The following LGALS8 variants were observed in gnomAD, a reference collection of about 807,000 sequenced individuals.
LGALS8 encodes the protein galectin 8.
LGALS8 carries 30 observed loss-of-function variants against 35.9 expected under a neutral mutation model. The observed-to-expected ratio is 0.83, with a 90% CI of 0.62 to 1.13. The LOEUF is 1.13. Among genes scored for constraint, LGALS8 ranks in the 50% most tolerant of loss-of-function variants. The pLI is 0.00. For synonymous variants in LGALS8, 138 were observed against 136.1 expected, an observed-to-expected ratio of 1.01 and a Z score of -0.10; for missense variants, 366 against 388.7, an observed-to-expected ratio of 0.94 and a Z score of 0.49.
rs1662581670 is a variant in LGALS8, at chr1:236,548,968, G to A, written c.*807G>A. The A allele has an allele frequency of 2.5e-6, 1 of 398,632 alleles. No individual in the cohort carries two copies. The highest frequency in any genetic ancestry group is 4.4e-5 in the Admixed American group (1 of 22,724). 24.7% of individuals were successfully genotyped at this position (398,632 alleles called of 1,614,324 possible). A position where few individuals can be genotyped will look rare whatever the true frequency, so the allele number is the denominator to read the frequency against. On this transcript the variant is annotated 3_prime_UTR_variant, in exon 10 of 10. Coordinates refer to ENST00000366584, the MANE Select transcript of LGALS8 (RefSeq NM_201544.4). ...CTTAGGGCAAATCAGAGTCTACACA[G>A]ACGCCTACAGAAAGTTTCAGGAAGA...
rs1325273601 is a variant in LGALS8 at position 236,541,674 on chromosome 1, A to T, written c.486A>T (p.Ala162=). 6.6e-7 allele frequency: 1 copy of T among 1,524,432 alleles called. No individual in the cohort carries two copies. Among genetic ancestry groups the T allele is most frequent in the Non-Finnish European group, 8.9e-7 (1 of 1,119,256 alleles). The allele number at this position is 1,524,432 out of a possible 1,614,324, so 94.4% of individuals were successfully genotyped here. A position where few individuals can be genotyped will look rare whatever the true frequency, so the allele number is the denominator to read the frequency against. The change falls in exon 6 of 10, where the codon GCA becomes GCT. Residue 162 remains alanine (A), a synonymous_variant. Transcript: ENST00000366584. ...CTCAGGACTTACAAAGTACCCAAGC[A>T]TCTAGTCTGGAACTGACAGAGATAA... ...SFSSDLQSTQ[A]SSLELTEISR...
At chr1:236,539,486 C>A (rs1180023324) in intron 4 of LGALS8, among the ~76,000 whole-genome samples, 1 of 147,760 alleles carries the variant, frequency 6.8e-6, no homozygotes, top group Non-Finnish European at 1.5e-5. Flanking sequence ...CAAGTCTTGC[C>A]ACAAGACAGT....
intron 2 of LGALS8, among the ~76,000 whole-genome samples, chr1:236,535,835 C>A (rs1661456672): frequency 6.6e-6 from 1 of 152,248 alleles, no homozygotes; most frequent in South Asian, 2.1e-4. Flanking sequence ...AGCTTGTGGG[C>A]TCAGCTTGCG....
At chr1:236,541,807 T>A in intron 6 of LGALS8, 97 bp downstream of exon 6, 1 of 617,580 alleles carries the variant, frequency 1.6e-6, no homozygotes. Context: ...TTGAAAATTA[T>A]GCTTTTAGAA....
intron 2 of LGALS8, among the ~76,000 whole-genome samples, chr1:236,529,770 T>C (rs1477379225): frequency 2.0e-5 from 3 of 149,520 alleles, no homozygotes; most frequent in Admixed American, 1.3e-4. Context: ...TGCCTCAGCC[T>C]CCCGAGTAGC....
chr1:236,549,996 G>A lies in LGALS8; in HGVS notation c.*1835G>A, dbSNP rs549179339. On this transcript the variant is annotated 3_prime_UTR_variant, in exon 10 of 10. Transcript: ENST00000366584. ...CTTCAAAGGCTTTTAAACTCAATGC[G>A]AACATTCTACGGGATGTTCTTAGAT... 3 of 152,072 alleles carry A rather than the reference G, an allele frequency of 2.0e-5. No individual in the cohort carries two copies. Among genetic ancestry groups the A allele is most frequent in the African/African-American group, 2.4e-5 (1 of 41,402 alleles). The allele number at this position is 152,072 out of a possible 1,614,324, so 9.4% of individuals were successfully genotyped here. A position where few individuals can be genotyped will look rare whatever the true frequency, so the allele number is the denominator to read the frequency against.
At chr1:236,537,627 CT>C in intron 3 of LGALS8, 42 bp downstream of exon 3, 3 of 1,353,282 alleles carry the variant, frequency 2.2e-6, no homozygotes, top group Non-Finnish European at 3.2e-6. Flanking sequence ...AATAGGCTGT[CT>C]TTTTGTGATT....
At chr1:236,539,271 C>T in intron 4 of LGALS8, 182 bp downstream of exon 4, 2 of 595,616 alleles carry the variant, frequency 3.4e-6, no homozygotes. Flanking sequence ...GGCACCACTA[C>T]TCTCCAGCCA....
chr1:236,543,138 C>G (rs1279221566), intron 7 of LGALS8: 1 of 1,104,648 alleles, frequency 9.1e-7, no homozygotes, highest in African/African-American at 1.5e-5. Flanking sequence ...CCAAAGCAGC[C>G]CCCTCTGCAT....
Position 236,548,063 on chromosome 1 carries a change from C to A in LGALS8, c.856C>A (p.His286Asn). 1 of 1,613,384 alleles carries A rather than the reference C, an allele frequency of 6.2e-7. No individual in the cohort carries two copies. Among genetic ancestry groups the A allele is most frequent in the South Asian group, 1.1e-5 (1 of 91,062 alleles). The part of the protein sequence containing the change: ...REFKVAVNGV[H>N]SLEYKHRFKE... ...ATTCAAGGTTGCAGTAAATGGCGTACACAGCCTGGAGTACAAACACAGATT... is the reference window on the plus strand; with the variant it reads ...ATTCAAGGTTGCAGTAAATGGCGTAAACAGCCTGGAGTACAAACACAGATT... The change falls in exon 10 of 10, where the codon CAC becomes AAC. Residue 286 changes from histidine (H) to asparagine (N), a missense_variant. By Grantham distance (68) the His-to-Asn change is moderately conservative. Coordinates refer to ENST00000366584, the MANE Select transcript of LGALS8 (RefSeq NM_201544.4).
intron 2 of LGALS8, 70 bp from the exon 3 acceptor site, chr1:236,537,427 T>C (rs1232278378): frequency 2.9e-5 from 26 of 883,272 alleles, no homozygotes; most frequent in Non-Finnish European, 4.4e-5. Context: ...CAATAATGAG[T>C]GTGGGTTGTA....
chr1:236,542,596 C>A (rs932313661), intron 6 of LGALS8, 165 bp from the exon 7 acceptor site: 1 of 699,128 alleles, frequency 1.4e-6, no homozygotes, highest in Non-Finnish European at 2.6e-6. Flanking sequence ...TTCACAACAC[C>A]ATACCATTCC....
chr1:236,543,676 T>C (rs1408985730), intron 8 of LGALS8, 28 bp downstream of exon 8: 2 of 1,509,880 alleles, frequency 1.3e-6, no homozygotes, highest in Admixed American at 3.3e-5. Flanking sequence ...CCAGTCACAG[T>C]GCAGATACTT....
rs1253312958 is a variant in LGALS8 at position 236,548,789 on chromosome 1, TA to T, written c.*631del. The T allele has an allele frequency of 2.0e-5, 8 of 395,952 alleles. No individual in the cohort carries two copies. Among genetic ancestry groups the T allele is most frequent in the Non-Finnish European group, 3.6e-5 (8 of 224,982 alleles). 24.5% of individuals were successfully genotyped at this position (395,952 alleles called of 1,614,324 possible). ...ACTGACATCATTTTCTTTATCGTAATAAACATGTGGCTCTATTAGCTGCAAG... is the reference window on the plus strand; with the variant it reads ...ACTGACATCATTTTCTTTATCGTAATAACATGTGGCTCTATTAGCTGCAAG... On this transcript the variant is annotated 3_prime_UTR_variant, in exon 10 of 10. Transcript: ENST00000366584.
upstream of LGALS8, among the ~76,000 whole-genome samples, chr1:236,520,312 T>C (rs1660514989): frequency 1.3e-5 from 2 of 151,548 alleles, no homozygotes; most frequent in South Asian, 4.2e-4. Context: ...AATGGAAATG[T>C]AATTCTTATG....
intron 3 of LGALS8, 145 bp downstream of exon 3, chr1:236,537,730 A>G: frequency 1.5e-6 from 1 of 672,016 alleles, no homozygotes; most frequent in Non-Finnish European, 2.7e-6. Context: ...GGTGCTGAGG[A>G]GATTGGAATG....
intron 2 of LGALS8, among the ~76,000 whole-genome samples, chr1:236,535,915 TGA>T (rs1661463383): frequency 6.6e-6 from 1 of 152,236 alleles, no homozygotes; most frequent in Non-Finnish European, 1.5e-5. Context: ...TCCAGACAGG[TGA>T]GAGTTCATTC....
intron 2 of LGALS8, among the ~76,000 whole-genome samples, chr1:236,530,696 C>G (rs1263917744): frequency 6.6e-6 from 1 of 152,174 alleles, no homozygotes; most frequent in African/African-American, 2.4e-5. Context: ...TAACTTTTGC[C>G]TCCTCCCTTG....
chr1:236,541,776 A>AC, intron 6 of LGALS8, 66 bp downstream of exon 6: 5 of 795,716 alleles, frequency 6.3e-6, no homozygotes, highest in Non-Finnish European at 9.9e-6. Flanking sequence ...ATGTTAATGA[A>AC]ATGGCAAGAA....
Sources: allele counts gnomAD v4.1 joint callset (sites outside exome capture counted in the v4.1 genomes callset), GRCh38; gene constraint gnomAD v4.1.1; transcripts MANE v1.5; gene names NCBI Gene and HGNC (gene_info 2026-07-23, HGNC 2026-07-21).